The following MGAT4D variants were observed in gnomAD, a reference collection of about 807,000 sequenced individuals.
MGAT4D encodes MGAT4 family member D.
In MGAT4D, 34 loss-of-function variants were observed where a neutral mutation model predicts 15.9. The ratio of observed to expected loss-of-function variants is 2.14; its 90% confidence interval spans 1.62 to 2.84. The LOEUF (loss-of-function observed/expected upper bound fraction) is 2.84. MGAT4D is among the 30% of genes most tolerant of loss of function. The pLI is 0.00. For missense variants in MGAT4D, 327 were observed against 140.2 expected (o/e 2.33, Z -6.73); for synonymous variants, 112 against 48.2 (o/e 2.33, Z -5.49).
chr4:140,469,923 T>A (rs1731805645), intron 5 of MGAT4D, among the ~76,000 whole-genome samples: 1 of 152,230 alleles, frequency 6.6e-6, no homozygotes, highest in South Asian at 2.1e-4. Flanking sequence ...CTGCAGTGCA[T>A]CCTGTCCTGC....
chr4:140,457,297 G>A (rs1475927120), intron 8 of MGAT4D: 2 of 151,816 alleles, frequency 1.3e-5, no homozygotes, highest in Non-Finnish European at 2.9e-5. Context: ...AAATGAAGTT[G>A]AAGGGATAAG....
chr4:140,491,640 G>C (rs1278262620), intron 1 of MGAT4D, among the ~76,000 whole-genome samples: 2 of 151,886 alleles, frequency 1.3e-5, no homozygotes, highest in Non-Finnish European at 2.9e-5. Context: ...AAGATTCCCA[G>C]CAACAAGGGG....
At chr4:140,489,489 C>G in intron 1 of MGAT4D, among the ~76,000 whole-genome samples, 1 of 152,150 alleles carries the variant, frequency 6.6e-6, no homozygotes, top group East Asian at 1.9e-4. Context: ...CTTCCCAGAT[C>G]CAATTCCCCT....
chr4:140,463,986 G>A (rs148896006), intron 6 of MGAT4D, among the ~76,000 whole-genome samples: 437 of 152,260 alleles, frequency 2.9e-3, no homozygotes, highest in African/African-American at 0.01. Flanking sequence ...AATGGAAGGA[G>A]GATGAGAGGG....
At chr4:140,471,111 C>T (rs1245953725) in intron 5 of MGAT4D, among the ~76,000 whole-genome samples, 1 of 152,034 alleles carries the variant, frequency 6.6e-6, no homozygotes, top group Admixed American at 6.6e-5. Context: ...AGGCTGATCT[C>T]GAACTCCTGG....
chr4:140,455,558 A>C (rs1290201568), intron 9 of MGAT4D, among the ~76,000 whole-genome samples: 2 of 152,128 alleles, frequency 1.3e-5, no homozygotes, highest in Non-Finnish European at 2.9e-5. Context: ...AGTGGTTTTT[A>C]AATGTCAATT....
intron 5 of MGAT4D, among the ~76,000 whole-genome samples, chr4:140,468,812 CCTT>C: frequency 6.6e-6 from 1 of 152,268 alleles, no homozygotes; most frequent in Non-Finnish European, 1.5e-5. Flanking sequence ...ATGAATCCCT[CCTT>C]CTCAACACAG....
chr4:140,484,203 A>G (rs942602623), intron 1 of MGAT4D, among the ~76,000 whole-genome samples: 1 of 152,184 alleles, frequency 6.6e-6, no homozygotes, highest in Non-Finnish European at 1.5e-5. Context: ...AACTCAAACA[A>G]TAGCAAAAAA....
intron 4 of MGAT4D, among the ~76,000 whole-genome samples, chr4:140,472,924 T>G (rs1388858508): frequency 6.6e-6 from 1 of 152,186 alleles, no homozygotes; most frequent in Non-Finnish European, 1.5e-5. Flanking sequence ...GTTCTTCTAT[T>G]GCTTGTTCTG....
intron 5 of MGAT4D, among the ~76,000 whole-genome samples, chr4:140,469,420 T>C (rs1731765225): frequency 6.6e-6 from 1 of 152,208 alleles, no homozygotes; most frequent in Non-Finnish European, 1.5e-5. Context: ...AATGATTACT[T>C]AACATCACAT....
intron 10 of MGAT4D, among the ~76,000 whole-genome samples, chr4:140,445,712 G>GT (rs1438604507): frequency 6.6e-6 from 1 of 152,168 alleles, no homozygotes; most frequent in Non-Finnish European, 1.5e-5. Flanking sequence ...TGTATATGGT[G>GT]TAAGGAAGGT....
chr4:140,473,077 A>G (rs1309362796), intron 4 of MGAT4D, among the ~76,000 whole-genome samples: 1 of 152,096 alleles, frequency 6.6e-6, no homozygotes, highest in African/African-American at 2.4e-5. Context: ...ATATCTTTAT[A>G]TCATTCCAAA....
Position 140,498,271 on chromosome 4 carries a change from G to A in MGAT4D, c.-49C>T. On this transcript the variant is annotated 5_prime_UTR_variant, in exon 1 of 11. Coordinates refer to ENST00000511113, the MANE Select transcript of MGAT4D (RefSeq NM_001277353.2). ...CCGGCGGGTGGAGGCGGCGGATAATGCCAGGGACGGGGTTGAGCGCGCAGA... is the reference window on the plus strand; with the variant it reads ...CCGGCGGGTGGAGGCGGCGGATAATACCAGGGACGGGGTTGAGCGCGCAGA... The A allele has an allele frequency of 1.4e-6, 1 of 700,918 alleles. No homozygotes were observed. Among genetic ancestry groups the A allele is most frequent in the Non-Finnish European group, 2.6e-6 (1 of 383,816 alleles). The allele number at this position is 700,918 out of a possible 1,614,324, so 43.4% of individuals were successfully genotyped here.
intron 5 of MGAT4D, among the ~76,000 whole-genome samples, chr4:140,467,821 T>C (rs1346927): frequency 0.19 from 29,358 of 151,872 alleles, 2,906 homozygotes; most frequent in South Asian, 0.28. Context: ...ATGTAAAGTG[T>C]ATAGTTATAT....
At chr4:140,452,153 G>C (rs1319821904) in intron 9 of MGAT4D, among the ~76,000 whole-genome samples, 1 of 152,052 alleles carries the variant, frequency 6.6e-6, no homozygotes, top group Non-Finnish European at 1.5e-5. Context: ...GGGCAATATA[G>C]TGAGACTCCA....
chr4:140,482,403 A>AT lies in MGAT4D; in HGVS notation c.176dup (p.Asn59LysfsTer15). The AT allele has an allele frequency of 3.1e-6, 2 of 651,126 alleles. No homozygotes were observed. Among genetic ancestry groups the AT allele is most frequent in the Non-Finnish European group, 5.5e-6 (2 of 365,528 alleles). The allele number at this position is 651,126 out of a possible 1,614,324, so 40.3% of individuals were successfully genotyped here. Reference sequence around the variant, plus strand: ...TCAAAACTTTCATCATCTCTTGGGTATTTTTTTCAGTTTTGTTTCTTAAGT... The same window carrying AT: ...TCAAAACTTTCATCATCTCTTGGGTATTTTTTTTCAGTTTTGTTTCTTAAGT... On this transcript the variant is annotated frameshift_variant, in exon 2 of 11. Transcript: ENST00000511113. LOFTEE classifies it high-confidence loss of function.
At chr4:140,488,494 G>C (rs965672959) in intron 1 of MGAT4D, among the ~76,000 whole-genome samples, 1 of 152,204 alleles carries the variant, frequency 6.6e-6, no homozygotes, top group African/African-American at 2.4e-5. Context: ...TCCTCAAAGT[G>C]CCACAGGCAC....
chr4:140,483,468 T>C (rs79960030), intron 1 of MGAT4D, among the ~76,000 whole-genome samples: 9,772 of 152,022 alleles, frequency 0.064, 368 homozygotes, highest in South Asian at 0.11. Flanking sequence ...TTCAATGCAA[T>C]CCTTAAAAAA....
At chr4:140,478,751 G>C (rs1732506545) in intron 3 of MGAT4D, among the ~76,000 whole-genome samples, 1 of 149,568 alleles carries the variant, frequency 6.7e-6, no homozygotes, top group African/African-American at 2.5e-5. Context: ...GCCTAGAGCA[G>C]AGGTCAGCAA....
Sources: gnomAD v4.1 joint callset for allele counts (sites outside exome capture counted in the v4.1 genomes callset) on GRCh38, gnomAD v4.1.1 for gene constraint, MANE v1.5 for transcripts, NCBI Gene and HGNC (gene_info 2026-07-23, HGNC 2026-07-21) for gene names.